Variants in BCAR3 observed in about 807,000 individuals in gnomAD.
The protein encoded by BCAR3 is BCAR3 adaptor protein, NSP family member, also known as breast cancer anti-estrogen resistance protein 3.
A neutral mutation model predicts 80.1 loss-of-function variants in BCAR3; 37 were observed. That is an observed-to-expected ratio of 0.46 (90% confidence interval 0.36 to 0.61). The LOEUF is 0.61. BCAR3 is among the 20% of genes least tolerant of loss of function. BCAR3 has a pLI of 0.00. For missense variants in BCAR3, 978 were observed against 1,068.2 expected (o/e 0.92, Z 1.18); for synonymous variants, 389 against 418.9 (o/e 0.93, Z 0.87).
chr1:93,696,705 A>G (rs1423737987), intron 3 of BCAR3, among the ~76,000 whole-genome samples: 1 of 152,178 alleles, frequency 6.6e-6, no homozygotes, highest in African/African-American at 2.4e-5. Flanking sequence ...CAAATTCCTC[A>G]GGATGCTTCC....
chr1:93,589,548 T>C (rs919353381), intron 4 of BCAR3, 129 bp from the exon 5 acceptor site: 40 of 814,160 alleles, frequency 4.9e-5, no homozygotes, highest in Non-Finnish European at 7.5e-5. Flanking sequence ...GTCAGCTCTT[T>C]AGTTTTTCAA....
At chr1:93,828,187 T>C (rs1654436083) in intron 2 of BCAR3, among the ~76,000 whole-genome samples, 1 of 152,048 alleles carries the variant, frequency 6.6e-6, no homozygotes, top group African/African-American at 2.4e-5. Context: ...GTAGTACCAA[T>C]GACTTGCGAG....
chr1:93,778,609 G>T (rs920496828), intron 2 of BCAR3, among the ~76,000 whole-genome samples: 2 of 151,760 alleles, frequency 1.3e-5, no homozygotes, highest in African/African-American at 4.8e-5. Flanking sequence ...TCTAACGCTT[G>T]TTGCAGCCCT....
At chr1:93,776,720 C>G (rs997356241) in intron 2 of BCAR3, among the ~76,000 whole-genome samples, 2 of 152,104 alleles carry the variant, frequency 1.3e-5, no homozygotes, top group Non-Finnish European at 2.9e-5. Flanking sequence ...TCTCTACTTC[C>G]TGTAAATTGG....
intron 3 of BCAR3, among the ~76,000 whole-genome samples, chr1:93,606,241 T>C (rs887586397): frequency 1.3e-5 from 2 of 152,126 alleles, no homozygotes; most frequent in African/African-American, 4.8e-5. Flanking sequence ...ATCCTACATG[T>C]CATGCAGAGA....
rs1256362375 is a variant in BCAR3 at position 93,810,387 on chromosome 1, A to G, written c.-63+35180T>C. ...AGTTTTCCCTTAGCACAGGGAAAGC[A>G]TCTCCCAGGGTGAATACTAAACGTG... is the stretch of plus-strand genomic sequence containing the variant. On this transcript the variant is annotated intron_variant, in intron 2 of 13. Coordinates refer to the BCAR3 transcript ENST00000370244. 2.0e-5 allele frequency among the ~76,000 whole-genome samples: 3 copies of G among 152,288 alleles called. 1 individual carries two copies. The highest frequency in any genetic ancestry group is 2.9e-5 in the Non-Finnish European group (2 of 68,026).
Position 93,592,518 on chromosome 1 carries a change from C to G in BCAR3, c.358-125G>C. The G allele has an allele frequency of 7.7e-7, 1 of 1,299,616 alleles. No homozygotes were observed. Among genetic ancestry groups the G allele is most frequent in the Middle Eastern group, 1.9e-4 (1 of 5,154 alleles). The allele number at this position is 1,299,616 out of a possible 1,614,324, so 80.5% of individuals were successfully genotyped here. On this transcript the variant is annotated intron_variant, in intron 3 of 11. Transcript: ENST00000260502. The surrounding 1 kb of genome is among the most constrained non-coding windows in gnomAD (Gnocchi z 4.8). ...TACAGCCTGCATTCAGGTAGGGGAGCCTGGATAATGATTACAAAGAGCTGT... is the reference window on the plus strand; with the variant it reads ...TACAGCCTGCATTCAGGTAGGGGAGGCTGGATAATGATTACAAAGAGCTGT...
chr1:93,810,307 C>G (rs1330436626), intron 2 of BCAR3, among the ~76,000 whole-genome samples: 2 of 151,920 alleles, frequency 1.3e-5, no homozygotes, highest in African/African-American at 4.8e-5. Flanking sequence ...ATAGCAATTA[C>G]TATTTTATTG....
intron 3 of BCAR3, among the ~76,000 whole-genome samples, chr1:93,637,863 A>G (rs1434486926): frequency 1.3e-5 from 2 of 152,210 alleles, no homozygotes; most frequent in Non-Finnish European, 2.9e-5. Context: ...CGTAAGCTAG[A>G]AGGAACAATA....
At position 93,757,779 on chromosome 1, in the gene BCAR3, T is replaced by C. The variant is rs547295397; in HGVS notation, c.-62-51637A>G. Among the ~76,000 whole-genome samples, 19 of 152,346 alleles carry C rather than the reference T, an allele frequency of 1.2e-4. No individual in the cohort carries two copies. In the South Asian group the frequency reaches 3.7e-3, roughly 30 times the overall value. On this transcript the variant is annotated intron_variant, in intron 2 of 13. Coordinates refer to the BCAR3 transcript ENST00000370244. The stretch of plus-strand genomic sequence containing the variant: ...AGAGTAGCCTGCAGAATGCACATGC[T>C]GGCCTCTGTGCTGGCAGCCTCTTGC...
At chr1:93,689,277 A>G (rs1372505062) in intron 3 of BCAR3, among the ~76,000 whole-genome samples, 1 of 152,120 alleles carries the variant, frequency 6.6e-6, no homozygotes, top group Non-Finnish European at 1.5e-5. Context: ...ACCTGAGGTC[A>G]GAGGTTCGAG....
At chr1:93,637,345 G>C (rs1205017885) in intron 3 of BCAR3, among the ~76,000 whole-genome samples, 2 of 151,970 alleles carry the variant, frequency 1.3e-5, no homozygotes. Context: ...AGTAGAGTCG[G>C]GGCTTCACCA....
At chr1:93,597,672 C>T (rs1674469743) in intron 3 of BCAR3, among the ~76,000 whole-genome samples, 1 of 152,248 alleles carries the variant, frequency 6.6e-6, no homozygotes, top group African/African-American at 2.4e-5. Context: ...TCATAATAGA[C>T]TCATATCAGG....
intron 2 of BCAR3, among the ~76,000 whole-genome samples, chr1:93,756,941 T>C (rs1651767869): frequency 6.6e-6 from 1 of 152,142 alleles, no homozygotes; most frequent in Non-Finnish European, 1.5e-5. Flanking sequence ...TCTAGGCTTC[T>C]AGAGTTGCCT....
intron 2 of BCAR3, among the ~76,000 whole-genome samples, chr1:93,814,053 T>C (rs965662174): frequency 1.3e-5 from 2 of 152,198 alleles, no homozygotes; most frequent in Non-Finnish European, 2.9e-5. Flanking sequence ...AATCACAGAA[T>C]TGATGTTGGA....
At chr1:93,784,853 A>G (rs554990477) in intron 2 of BCAR3, among the ~76,000 whole-genome samples, 234 of 152,332 alleles carry the variant, frequency 1.5e-3, no homozygotes, top group African/African-American at 5.3e-3. Flanking sequence ...AGCTCTAGGC[A>G]AGATTGTGGT....
intron 2 of BCAR3, among the ~76,000 whole-genome samples, chr1:93,771,377 A>T (rs1652350761): frequency 6.6e-6 from 1 of 152,226 alleles, no homozygotes; most frequent in Non-Finnish European, 1.5e-5. Flanking sequence ...GCAACTTGGC[A>T]CATGAAGTCA....
intron 3 of BCAR3, among the ~76,000 whole-genome samples, chr1:93,692,817 G>A (rs1028825709): frequency 6.6e-6 from 1 of 152,198 alleles, no homozygotes; most frequent in African/African-American, 2.4e-5. Context: ...CAAGCAAGCT[G>A]GGTTAGGTAA....
At chr1:93,662,882 T>C (rs913881537) in intron 2 of BCAR3, among the ~76,000 whole-genome samples, 3 of 152,184 alleles carry the variant, frequency 2.0e-5, no homozygotes, top group African/African-American at 7.2e-5. Flanking sequence ...ATTTTGTAGC[T>C]TTTCTCTCTC....
Sources: allele counts gnomAD v4.1 joint callset (sites outside exome capture counted in the v4.1 genomes callset), GRCh38; gene constraint gnomAD v4.1.1; non-coding constraint Gnocchi (gnomAD v3.1); transcripts MANE v1.5; gene names NCBI Gene and HGNC (gene_info 2026-07-23, HGNC 2026-07-21).